USH2A: variants seen among roughly 807,000 people sequenced by gnomAD.
USH2A encodes the protein Usher syndrome 2A (autosomal recessive, mild).
Under a neutral mutation model 538.9 loss-of-function variants are expected in USH2A, and 443 were observed. The observed-to-expected ratio is 0.82, with a 90% CI of 0.76 to 0.89. The LOEUF (loss-of-function observed/expected upper bound fraction) is 0.89. Ranked by LOEUF, USH2A falls within the 40% of genes least tolerant of loss-of-function variation. The pLI is 0.00. For missense variants in USH2A, 6,633 were observed against 6,324.8 expected, an observed-to-expected ratio of 1.05 and a Z score of -1.65; for synonymous variants, 2,413 against 2,273.5, an observed-to-expected ratio of 1.06 and a Z score of -1.75.
intron 4 of USH2A, among the ~76,000 whole-genome samples, chr1:216,355,225 C>T (rs899040440): frequency 4.6e-5 from 7 of 151,612 alleles, no homozygotes; most frequent in Admixed American, 2.6e-4. Context: ...ATTACTTGAA[C>T]CCAGGAGGCA....
intron 3 of USH2A, among the ~76,000 whole-genome samples, chr1:216,416,448 A>T (rs914859552): frequency 3.9e-5 from 6 of 152,160 alleles, no homozygotes; most frequent in Admixed American, 6.6e-5. Context: ...TTTAAAACTT[A>T]TGCAAAAAAA....
chr1:216,393,622 C>T (rs1295885448), intron 3 of USH2A, among the ~76,000 whole-genome samples: 2 of 151,848 alleles, frequency 1.3e-5, no homozygotes, highest in African/African-American at 2.4e-5. Flanking sequence ...ATAATGTTTG[C>T]AAAACACTGA....
At chr1:216,019,606 G>A (rs1668799347) in intron 32 of USH2A, among the ~76,000 whole-genome samples, 1 of 152,142 alleles carries the variant, frequency 6.6e-6, no homozygotes, top group African/African-American at 2.4e-5. Context: ...ATTCTCTACT[G>A]TATGTCTATT....
chr1:216,247,058 G>T lies in USH2A; in HGVS notation c.2336C>A (p.Thr779Asn), dbSNP rs1457074852. 1.9e-6 allele frequency: 3 copies of T among 1,614,010 alleles called. No homozygotes were observed. Among genetic ancestry groups the T allele is most frequent in the Admixed American group, 1.7e-5 (1 of 59,994 alleles). Residue 779 changes from threonine (T) to asparagine (N), a missense_variant, in exon 13 of 72, where the codon ACC becomes AAC. Thr to Asn is a moderately conservative substitution (Grantham distance 65). Transcript: ENST00000307340. ...KKEAKGLQCDTCRENFYGLDV... is the reference protein window; with the variant it reads ...KKEAKGLQCDNCRENFYGLDV... ...TAACCCATAAAAGTTTTCTCTGCAG[G>T]TGTCACACTGAAGTCCTTTGGCTTC...
intron 21 of USH2A, among the ~76,000 whole-genome samples, chr1:216,134,167 T>C (rs1405375684): frequency 6.6e-6 from 1 of 152,094 alleles, no homozygotes; most frequent in East Asian, 1.9e-4. Flanking sequence ...ACCTAAAATA[T>C]AAATAAATTC....
chr1:215,881,991 C>T (rs1664923073), intron 41 of USH2A, among the ~76,000 whole-genome samples: 1 of 152,188 alleles, frequency 6.6e-6, no homozygotes. Context: ...CTTAGACATG[C>T]AGGTTAGTTG....
intron 43 of USH2A, among the ~76,000 whole-genome samples, chr1:215,875,628 C>A (rs1664742731): frequency 6.6e-6 from 1 of 151,866 alleles, no homozygotes. Context: ...GTTTTCATTT[C>A]TTGTATAAAG....
At chr1:215,886,887 T>A (rs1245542117) in intron 41 of USH2A, among the ~76,000 whole-genome samples, 4 of 152,136 alleles carry the variant, frequency 2.6e-5, no homozygotes, top group African/African-American at 9.7e-5. Context: ...AGATGGAGTC[T>A]CGCTCTGTCG....
intron 44 of USH2A, among the ~76,000 whole-genome samples, chr1:215,859,412 T>C (rs1003238806): frequency 6.6e-6 from 1 of 152,000 alleles, no homozygotes; most frequent in African/African-American, 2.4e-5. Flanking sequence ...GATGTGCCTG[T>C]AGTCCCAGCT....
At chr1:216,067,041 C>T (rs1006942666) in intron 30 of USH2A, among the ~76,000 whole-genome samples, 12 of 152,064 alleles carry the variant, frequency 7.9e-5, no homozygotes, top group African/African-American at 1.4e-4. Context: ...TTAATTACAA[C>T]GGTAATTGTT....
At chr1:215,694,441 C>T (rs12741829) in intron 61 of USH2A, among the ~76,000 whole-genome samples, 48,252 of 151,852 alleles carry the variant, frequency 0.32, 8,491 homozygotes, top group Non-Finnish European at 0.39. Flanking sequence ...GGCGTGGTTG[C>T]GGGCACCTGT....
intron 18 of USH2A, among the ~76,000 whole-genome samples, chr1:216,197,109 C>T (rs1029318332): frequency 7.9e-5 from 12 of 152,028 alleles, no homozygotes; most frequent in African/African-American, 2.9e-4. Context: ...ACTGGATTTC[C>T]CATGTAGGGA....
chr1:216,073,764 T>C (rs1408776963), intron 27 of USH2A, among the ~76,000 whole-genome samples: 4 of 152,244 alleles, frequency 2.6e-5, no homozygotes, highest in Non-Finnish European at 5.9e-5. Context: ...AAAAATACAC[T>C]CTGAGCATTT....
chr1:215,759,761 G>A lies in USH2A; in HGVS notation c.11130C>T (p.Gly3710=). 1 of 1,614,012 alleles carries A rather than the reference G, an allele frequency of 6.2e-7. No individual in the cohort carries two copies. Among genetic ancestry groups the A allele is most frequent in the South Asian group, 1.1e-5 (1 of 91,082 alleles). The change falls in exon 57 of 72, where the codon GGC becomes GGT. Residue 3710 remains glycine (G), a synonymous_variant. Coordinates refer to ENST00000307340, the MANE Select transcript of USH2A (RefSeq NM_206933.4). ...LYWSLPEKPN[G]LVSQYQLSRN... Reference sequence around the variant, plus strand: ...GACTCAATTGATATTGAGAAACGAGGCCATTGGGCTTTTCTGGCAGACTCC... The same window carrying A: ...GACTCAATTGATATTGAGAAACGAGACCATTGGGCTTTTCTGGCAGACTCC...
chr1:216,034,989 G>C (rs1333478102), intron 32 of USH2A, among the ~76,000 whole-genome samples: 1 of 152,128 alleles, frequency 6.6e-6, no homozygotes, highest in Non-Finnish European at 1.5e-5. Context: ...AAAAAGTAAG[G>C]CTGGGAGCAT....
chr1:216,269,037 C>T (rs376527532), intron 11 of USH2A, among the ~76,000 whole-genome samples: 11 of 152,146 alleles, frequency 7.2e-5, no homozygotes, highest in South Asian at 2.1e-4. Context: ...CAGGAATTTT[C>T]GTCATTTTAT....
chr1:216,111,377 TCTC>T (rs1449129292), intron 21 of USH2A, among the ~76,000 whole-genome samples: 2 of 152,122 alleles, frequency 1.3e-5, no homozygotes, highest in African/African-American at 4.8e-5. Context: ...ATCGCTAAGT[TCTC>T]CTTCTCCTTC....
At chr1:215,968,605 T>C (rs1283958235) in intron 36 of USH2A, among the ~76,000 whole-genome samples, 4 of 152,120 alleles carry the variant, frequency 2.6e-5, no homozygotes, top group African/African-American at 9.7e-5. Flanking sequence ...CTGTGAAGCA[T>C]ATTCCTCATA....
chr1:215,696,588 T>C (rs912385649), intron 61 of USH2A, among the ~76,000 whole-genome samples: 3 of 152,224 alleles, frequency 2.0e-5, no homozygotes, highest in Non-Finnish European at 4.4e-5. Flanking sequence ...ACTGTCTCTG[T>C]GTGTCTTCAG....
Sources: allele counts gnomAD v4.1 joint callset (sites outside exome capture counted in the v4.1 genomes callset), GRCh38; gene constraint gnomAD v4.1.1; transcripts MANE v1.5; gene names NCBI Gene and HGNC (gene_info 2026-07-23, HGNC 2026-07-21).